HORMAD1: variants seen among roughly 807,000 people sequenced by gnomAD.
The protein encoded by HORMAD1 is HORMA domain-containing protein 1.
Under a neutral mutation model 58.2 loss-of-function variants are expected in HORMAD1, and 33 were observed. That is an observed-to-expected ratio of 0.57 (90% CI 0.43 to 0.76). HORMAD1 has a LOEUF of 0.76. Ranked by LOEUF, HORMAD1 falls within the 30% of genes least tolerant of loss-of-function variation. The pLI, the probability that HORMAD1 is intolerant of heterozygous loss-of-function variation, is 0.00. For synonymous variants in HORMAD1, 137 were observed against 144.6 expected, an observed-to-expected ratio of 0.95 and a Z score of 0.38; for missense variants, 363 against 462.0, an observed-to-expected ratio of 0.79 and a Z score of 1.96.
rs781610825 is a variant in HORMAD1, at chr1:150,698,419, T to G, written c.*235A>C. 2 of 291,138 alleles carry G rather than the reference T, an allele frequency of 6.9e-6. No homozygotes were observed. The highest frequency in any genetic ancestry group is 1.3e-5 in the Non-Finnish European group (2 of 158,456). The allele number at this position is 291,138 out of a possible 1,614,324, so 18.0% of individuals were successfully genotyped here. ...GTAATGAACAAAATCAATTTTGAAA[T>G]TTTACTTATTACCGAATCAATTATG... On this transcript the variant is annotated 3_prime_UTR_variant, in exon 15 of 15. Transcript: ENST00000361824.
At chr1:150,712,352 G>A (rs780662946) in intron 5 of HORMAD1, among the ~76,000 whole-genome samples, 52 of 152,056 alleles carry the variant, frequency 3.4e-4, no homozygotes, top group Middle Eastern at 3.2e-3. Context: ...TCTTTTCCTT[G>A]TATTACACAA....
At chr1:150,709,736 C>T (rs1234097812) in intron 7 of HORMAD1, among the ~76,000 whole-genome samples, 2 of 149,088 alleles carry the variant, frequency 1.3e-5, no homozygotes, top group Non-Finnish European at 3.0e-5. Flanking sequence ...AACTGAATGT[C>T]TCGGTATAAA....
At chr1:150,709,790 G>A (rs1311239438) in intron 7 of HORMAD1, among the ~76,000 whole-genome samples, 3 of 152,290 alleles carry the variant, frequency 2.0e-5, no homozygotes, top group East Asian at 3.9e-4. Flanking sequence ...GACAAAAACC[G>A]CCCTATGGTG....
chr1:150,705,912 A>G (rs1418804509), intron 10 of HORMAD1, among the ~76,000 whole-genome samples: 4 of 152,218 alleles, frequency 2.6e-5, no homozygotes, highest in Non-Finnish European at 4.4e-5. Context: ...TAAAGGACAT[A>G]ATGTTAATGC....
intron 3 of HORMAD1, among the ~76,000 whole-genome samples, chr1:150,715,611 T>C (rs971906122): frequency 1.3e-5 from 2 of 152,222 alleles, no homozygotes; most frequent in Non-Finnish European, 2.9e-5. Context: ...ATTTAAAAAA[T>C]AGAGATGGAG....
intron 7 of HORMAD1, among the ~76,000 whole-genome samples, chr1:150,709,419 G>A (rs587714898): frequency 9.2e-5 from 14 of 152,258 alleles, no homozygotes; most frequent in East Asian, 5.8e-4. Context: ...TGTGCAGGAC[G>A]TGCCTTGTTA....
chr1:150,717,940 C>T (rs1652135777), intron 2 of HORMAD1, among the ~76,000 whole-genome samples: 1 of 151,310 alleles, frequency 6.6e-6, no homozygotes, highest in Non-Finnish European at 1.5e-5. Flanking sequence ...AGCGAGACTC[C>T]ATCTCAAAAA....
chr1:150,711,566 G>A lies in HORMAD1; in HGVS notation c.306C>T (p.Tyr102=). The part of the protein sequence containing the change: ...KYLRMVVLAV[Y]TNPEDPQTIS... ...TTACCTGAGGATCTTCTGGGTTTGT[G>A]TATACCTATTTAAAAACAATTTACA... Residue 102 remains tyrosine, a synonymous_variant, in exon 7 of 15, where the codon TAC becomes TAT. Transcript: ENST00000361824. 6.2e-7 allele frequency: 1 copy of A among 1,601,114 alleles called. No individual in the cohort carries two copies. The highest frequency in any genetic ancestry group is 2.2e-5 in the East Asian group (1 of 44,678).
In HORMAD1 at chr1:150,704,176, T is replaced by C; in HGVS notation, c.890A>G (p.Glu297Gly). 6.4e-7 allele frequency: 1 copy of C among 1,568,082 alleles called. No homozygotes were observed. The highest frequency in any genetic ancestry group is 2.2e-5 in the East Asian group (1 of 44,500). The change falls in exon 12 of 15, where the codon GAG becomes GGG. Residue 297 changes from glutamate (E) to glycine (G), a missense_variant. Glu to Gly is a moderately conservative substitution (Grantham distance 98, BLOSUM62 -2). Transcript: ENST00000361824. ...SELEEPSLVC[E>G]EDEIMRSKES... Reference sequence around the variant, plus strand: ...TTTAGACCTCATAATTTCATCTTCCTCACAAACTAAACTTGGTTCTGTAAA... The same window carrying C: ...TTTAGACCTCATAATTTCATCTTCCCCACAAACTAAACTTGGTTCTGTAAA...
At chr1:150,706,212 G>A (rs990661758) in intron 10 of HORMAD1, among the ~76,000 whole-genome samples, 1 of 152,124 alleles carries the variant, frequency 6.6e-6, no homozygotes, top group African/African-American at 2.4e-5. Flanking sequence ...ATCATTAGCC[G>A]GGAGTTAGAC....
At chr1:150,703,248 A>T in intron 13 of HORMAD1, 62 bp downstream of exon 13, 1 of 861,414 alleles carries the variant, frequency 1.2e-6, no homozygotes, top group Non-Finnish European at 1.9e-6. Context: ...TATTAAAATA[A>T]ACTCACATAT....
At chr1:150,705,860 AT>A (rs1651676862) in intron 10 of HORMAD1, among the ~76,000 whole-genome samples, 2 of 152,234 alleles carry the variant, frequency 1.3e-5, no homozygotes, top group Non-Finnish European at 2.9e-5. Context: ...TGTAGTCATA[AT>A]TTAGAATAAA....
chr1:150,700,370 TG>T (rs1411991069), intron 13 of HORMAD1, among the ~76,000 whole-genome samples, 187 bp from the exon 14 acceptor site: 1 of 152,072 alleles, frequency 6.6e-6, no homozygotes, highest in Non-Finnish European at 1.5e-5. Flanking sequence ...CTGAAACTTC[TG>T]GCCTCAAGGG....
At chr1:150,709,025 T>C (rs1371923787) in intron 7 of HORMAD1, 64 bp from the exon 8 acceptor site, 2 of 804,060 alleles carry the variant, frequency 2.5e-6, no homozygotes, top group Non-Finnish European at 4.4e-6. Context: ...ATAGCTATAT[T>C]CTGTTTTGTA....
intron 10 of HORMAD1, among the ~76,000 whole-genome samples, chr1:150,705,625 A>AT (rs986460100): frequency 1.6e-4 from 25 of 152,240 alleles, no homozygotes; most frequent in African/African-American, 5.8e-4. Context: ...TAATGTCTAC[A>AT]TTACAATTAT....
At chr1:150,713,204 A>G (rs587657168) in intron 5 of HORMAD1, among the ~76,000 whole-genome samples, 43 of 152,282 alleles carry the variant, frequency 2.8e-4, no homozygotes, top group African/African-American at 1.0e-3. Context: ...TTTACCACAT[A>G]CTTTTGCTAA....
Position 150,714,640 on chromosome 1 carries a change from GGCA to G in HORMAD1, c.214_216del (p.Cys72del). 1 of 1,505,572 alleles carries G rather than the reference GGCA, an allele frequency of 6.6e-7. No homozygotes were observed. 93.3% of individuals were successfully genotyped at this position (1,505,572 alleles called of 1,614,324 possible). On this transcript the variant is annotated inframe_deletion, in exon 4 of 15. Transcript: ENST00000361824. The stretch of plus-strand genomic sequence containing the variant: ...CATTTCACTAACTGTGTAGATCCTG[GGCA>G]ATTTTTATCTTCTCTCAGTATTTTG...
intron 3 of HORMAD1, among the ~76,000 whole-genome samples, chr1:150,715,178 T>C (rs1432303296): frequency 6.6e-5 from 10 of 152,184 alleles, no homozygotes; most frequent in Non-Finnish European, 1.5e-4. Context: ...TATTATAAGA[T>C]GCCATCATAA....
At chr1:150,711,967 C>A (rs1557799125) in intron 5 of HORMAD1, 114 bp from the exon 6 acceptor site, 2 of 736,792 alleles carry the variant, frequency 2.7e-6, no homozygotes, top group East Asian at 2.7e-5. Context: ...AACAAATAAT[C>A]ATTGCAGATC....
Sources: allele counts gnomAD v4.1 joint callset (sites outside exome capture counted in the v4.1 genomes callset), GRCh38; gene constraint gnomAD v4.1.1; transcripts MANE v1.5; gene names NCBI Gene and HGNC (gene_info 2026-07-23, HGNC 2026-07-21).